The following CUEDC1 variants were observed in gnomAD, a reference collection of about 807,000 sequenced individuals.
CUEDC1 encodes the protein CUE domain containing 1.
Under a neutral mutation model 43.7 loss-of-function variants are expected in CUEDC1, and 30 were observed. The ratio of observed to expected loss-of-function variants is 0.69; its 90% CI spans 0.51 to 0.93. The LOEUF is 0.93. Among genes scored for constraint, CUEDC1 ranks in the 40% least tolerant of loss-of-function variants. The probability of loss-of-function intolerance (pLI) is 0.00; values close to 1 mark genes in which losing one functional copy is unlikely to be tolerated. For synonymous variants in CUEDC1, 223 were observed against 223.6 expected (o/e 1.00, Z 0.02); for missense variants, 486 against 549.0 (o/e 0.89, Z 1.15).
chr17:57,946,251 C>G (rs1011291707), intron 1 of CUEDC1, among the ~76,000 whole-genome samples: 1 of 152,184 alleles, frequency 6.6e-6, no homozygotes, highest in South Asian at 2.1e-4. Flanking sequence ...TCTTCAGAAT[C>G]CTTTCCAGCT....
intron 1 of CUEDC1, among the ~76,000 whole-genome samples, chr17:57,943,274 G>T (rs1470333421): frequency 6.6e-6 from 1 of 152,138 alleles, no homozygotes; most frequent in Non-Finnish European, 1.5e-5. Context: ...GCCCGCCCTA[G>T]GAGACTGACA....
At chr17:57,927,914 TAGAG>T (rs1373968463) in intron 1 of CUEDC1, among the ~76,000 whole-genome samples, 1 of 152,162 alleles carries the variant, frequency 6.6e-6, no homozygotes, top group East Asian at 1.9e-4. Context: ...AACTGAGGCT[TAGAG>T]AGACTAAATA....
At chr17:57,880,910 C>T (rs1411131387) in intron 2 of CUEDC1, among the ~76,000 whole-genome samples, 3 of 152,212 alleles carry the variant, frequency 2.0e-5, no homozygotes, top group Admixed American at 6.5e-5. Context: ...CTTCGCCTCC[C>T]GCTCACTCCC....
At chr17:57,929,526 C>T (rs554740636) in intron 1 of CUEDC1, among the ~76,000 whole-genome samples, 197 of 152,314 alleles carry the variant, frequency 1.3e-3, no homozygotes, top group Non-Finnish European at 1.9e-3. Flanking sequence ...CTGACCTTAG[C>T]ACAATATCCA....
rs2074276577 is a variant in CUEDC1 at position 57,885,466 on chromosome 17, G to C, written c.99C>G (p.Leu33=). The stretch of plus-strand genomic sequence containing the variant: ...CCTGGCGGGCAGGCCGGCTGTTGTT[G>C]AGCTCCTGGGGGGCGGCCGTGCCTC... The part of the protein sequence containing the change: ...GGGGTAAPQE[L]NNSRPARQVR... The change falls in exon 2 of 11, where the codon CTC becomes CTG. Residue 33 remains leucine (L), a synonymous_variant. Transcript: ENST00000577830. 2.5e-6 allele frequency: 4 copies of C among 1,590,478 alleles called. No homozygotes were observed. Among genetic ancestry groups the C allele is most frequent in the Non-Finnish European group, 3.4e-6 (4 of 1,172,086 alleles).
chr17:57,939,678 G>A lies in CUEDC1; in HGVS notation c.-316+15547C>T, dbSNP rs754267610. Among the ~76,000 whole-genome samples the A allele has an allele frequency of 2.1e-3, 320 of 152,242 alleles. 2 individuals carry two copies. The highest frequency in any genetic ancestry group is 5.0e-4 in the Non-Finnish European group (34 of 68,028). ...GAAAGCTCCTACCCCCTGGTGCTGC[G>A]TGATCATGCCCTCCTGGCCCCAGCT... is the stretch of plus-strand genomic sequence containing the variant. On this transcript the variant is annotated intron_variant, in intron 1 of 10. Transcript: ENST00000577830.
chr17:57,922,608 A>G (rs1445803593), intron 1 of CUEDC1: 1 of 152,176 alleles, frequency 6.6e-6, no homozygotes, highest in African/African-American at 2.4e-5. Flanking sequence ...TTCCAGATTC[A>G]CTATTTAAGT....
At position 57,891,708 on chromosome 17, in the gene CUEDC1, G is replaced by T. The variant is rs76024748; in HGVS notation, c.-315-5829C>A. ...GAGCCAAGCACACTCCCACCCAGGG[G>T]CCTCTGAACTTACTTTTTCCACCAA... On this transcript the variant is annotated intron_variant, in intron 1 of 10. Coordinates refer to ENST00000577830, the MANE Select transcript of CUEDC1 (RefSeq NM_001271875.2). 5.2e-3 allele frequency among the ~76,000 whole-genome samples: 793 copies of T among 152,260 alleles called. 6 individuals are homozygous for T. The highest frequency in any genetic ancestry group is 0.022 in the South Asian group (108 of 4,828).
chr17:57,890,498 G>A (rs990789112), intron 1 of CUEDC1, among the ~76,000 whole-genome samples: 2 of 152,230 alleles, frequency 1.3e-5, no homozygotes, highest in African/African-American at 4.8e-5. Context: ...AGACCTCTCG[G>A]AGGCTGACTC....
At chr17:57,868,325 G>A (rs2073989308) in intron 7 of CUEDC1, 82 bp from the exon 8 acceptor site, 2 of 1,299,338 alleles carry the variant, frequency 1.5e-6, no homozygotes, top group Non-Finnish European at 2.2e-6. Flanking sequence ...GAAAGGCCAG[G>A]GGAGGACCAA....
At chr17:57,953,068 T>C (rs1406942954) in intron 1 of CUEDC1, among the ~76,000 whole-genome samples, 1 of 152,152 alleles carries the variant, frequency 6.6e-6, no homozygotes, top group Non-Finnish European at 1.5e-5. Flanking sequence ...ACCCAGATCA[T>C]AGCCTTGGAC....
At chr17:57,888,910 G>A (rs1904606908) in intron 1 of CUEDC1, among the ~76,000 whole-genome samples, 1 of 152,240 alleles carries the variant, frequency 6.6e-6, no homozygotes, top group Admixed American at 6.5e-5. Flanking sequence ...CTCGGAGAAA[G>A]ATGACCTGGG....
chr17:57,928,252 C>T (rs1166071845), intron 1 of CUEDC1, among the ~76,000 whole-genome samples: 3 of 152,120 alleles, frequency 2.0e-5, no homozygotes, highest in Non-Finnish European at 4.4e-5. Flanking sequence ...CGGAAAAAAG[C>T]TTAAGAACCT....
intron 9 of CUEDC1, chr17:57,867,126 G>C (rs2073970204): frequency 5.1e-6 from 3 of 591,458 alleles, no homozygotes; most frequent in Admixed American, 5.8e-5. Flanking sequence ...TCATGCTACA[G>C]GTACACATCT....
At chr17:57,929,449 T>C (rs1444055854) in intron 1 of CUEDC1, among the ~76,000 whole-genome samples, 14 of 152,126 alleles carry the variant, frequency 9.2e-5, no homozygotes, top group African/African-American at 3.1e-4. Context: ...AACTGTTAGT[T>C]GTGGGTCCTT....
At chr17:57,896,725 A>G (rs1408562894) in intron 1 of CUEDC1, among the ~76,000 whole-genome samples, 1 of 151,590 alleles carries the variant, frequency 6.6e-6, no homozygotes, top group African/African-American at 2.4e-5. Flanking sequence ...AGAACATTAA[A>G]GTAATAGCAT....
intron 1 of CUEDC1, among the ~76,000 whole-genome samples, chr17:57,939,698 C>T (rs571791677): frequency 2.0e-5 from 3 of 152,256 alleles, no homozygotes; most frequent in African/African-American, 7.2e-5. Flanking sequence ...CCTCCTGGCC[C>T]CAGCTGACTG....
At chr17:57,915,829 G>T (rs903102671) in intron 1 of CUEDC1, among the ~76,000 whole-genome samples, 5 of 152,226 alleles carry the variant, frequency 3.3e-5, no homozygotes, top group African/African-American at 1.2e-4. Context: ...GCGGGGAGGA[G>T]GGGGCCTCAG....
chr17:57,933,338 T>C (rs893069288), intron 1 of CUEDC1, among the ~76,000 whole-genome samples: 56 of 152,056 alleles, frequency 3.7e-4, no homozygotes, highest in African/African-American at 1.2e-3. Flanking sequence ...GTTCCTCCAT[T>C]AGACCAAATC....
Sources: gnomAD v4.1 joint callset for allele counts (sites outside exome capture counted in the v4.1 genomes callset) on GRCh38, gnomAD v4.1.1 for gene constraint, MANE v1.5 for transcripts, NCBI Gene and HGNC (gene_info 2026-07-23, HGNC 2026-07-21) for gene names.